The following GPR161 variants were observed in gnomAD, a reference collection of about 807,000 sequenced individuals.
GPR161 encodes G protein-coupled receptor 161.
In GPR161, 25 loss-of-function variants were observed where a neutral mutation model predicts 39.2. That is an observed-to-expected ratio of 0.64 (90% CI 0.47 to 0.89). The LOEUF (loss-of-function observed/expected upper bound fraction) is 0.89. Among genes scored for constraint, GPR161 ranks in the 40% least tolerant of loss-of-function variants. The pLI is 0.00. For missense variants in GPR161, 547 were observed against 677.8 expected, an observed-to-expected ratio of 0.81 and a Z score of 2.14; for synonymous variants, 286 against 276.6, an observed-to-expected ratio of 1.03 and a Z score of -0.34.
At chr1:168,101,081 C>T (rs11581009) in intron 2 of GPR161, among the ~76,000 whole-genome samples, 16,178 of 150,108 alleles carry the variant, frequency 0.11, 973 homozygotes, top group African/African-American at 0.15. Context: ...AAGATGGACT[C>T]TTTGGGTTCA....
At position 168,107,328 on chromosome 1, in the gene GPR161, T is replaced by A. The variant is rs145455855; in HGVS notation, c.-44-2434A>T. Among the ~76,000 whole-genome samples the A allele has an allele frequency of 4.6e-5, 7 of 152,308 alleles. No individual in the cohort carries two copies. The East Asian group carries it at 1.4e-3, about 29-fold the overall frequency. ...ACTCACGTTGAAACTTAACCTCCAA[T>A]AGGCAACATGGAGAAGTGGAGCCTT... is the stretch of plus-strand genomic sequence containing the variant. On this transcript the variant is annotated intron_variant, in intron 1 of 5. Coordinates refer to ENST00000682931, the MANE Select transcript of GPR161 (RefSeq NM_001375883.1).
intron 2 of GPR161, among the ~76,000 whole-genome samples, chr1:168,101,734 C>T (rs1000968937): frequency 1.3e-5 from 2 of 152,210 alleles, no homozygotes; most frequent in Admixed American, 1.3e-4. Flanking sequence ...TGGAATATGA[C>T]AAGCGTGTAA....
In GPR161 at chr1:168,084,815, C is replaced by T. The variant is rs1186341939; in HGVS notation, c.*716G>A. ...GAAACACCTAGTACCTGCCCTTCCT[C>T]TTGTCTTTTATAGTGGTTTCTCCCT... On this transcript the variant is annotated 3_prime_UTR_variant, in exon 6 of 6. Transcript: ENST00000682931. 2.2e-6 allele frequency: 1 copy of T among 456,138 alleles called. No homozygotes were observed. Among genetic ancestry groups the T allele is most frequent in the Non-Finnish European group, 4.4e-6 (1 of 226,962 alleles). The allele number at this position is 456,138 out of a possible 1,614,324, so 28.3% of individuals were successfully genotyped here.
chr1:168,121,725 A>G (rs1227687279), intron 1 of GPR161, among the ~76,000 whole-genome samples: 1 of 152,236 alleles, frequency 6.6e-6, no homozygotes, highest in Non-Finnish European at 1.5e-5. Flanking sequence ...TCACTGTTTC[A>G]GCTGCACATT....
chr1:168,096,170 A>C, intron 3 of GPR161, among the ~76,000 whole-genome samples: 1 of 149,322 alleles, frequency 6.7e-6, no homozygotes, highest in African/African-American at 2.5e-5. Context: ...AGAGAGAGAG[A>C]ACTAACTATA....
chr1:168,111,383 C>T (rs1361844156), intron 1 of GPR161, among the ~76,000 whole-genome samples: 1 of 152,206 alleles, frequency 6.6e-6, no homozygotes, highest in African/African-American at 2.4e-5. Context: ...GCAGTTCTGG[C>T]AGTCGCCACC....
At chr1:168,128,505 A>G (rs1251626703) in intron 1 of GPR161, among the ~76,000 whole-genome samples, 4 of 152,216 alleles carry the variant, frequency 2.6e-5, no homozygotes, top group South Asian at 4.1e-4. Context: ...GCTCTACACA[A>G]ACAATTTGGG....
chr1:168,135,842 G>A lies in GPR161; in HGVS notation c.-45+897C>T, dbSNP rs1699313317. Among the ~76,000 whole-genome samples, 4 of 152,352 alleles carry A rather than the reference G, an allele frequency of 2.6e-5. No individual in the cohort carries two copies. The South Asian group carries it at 8.3e-4, about 32-fold the overall frequency. On this transcript the variant is annotated intron_variant, in intron 1 of 5. Transcript: ENST00000682931. ...CCACACACCTCCTCACGGCTTCACC[G>A]GGAGGTGGATCAAATGACCTGCTCT...
intron 4 of GPR161, 98 bp downstream of exon 4, chr1:168,090,466 C>T (rs776376036): frequency 4.0e-5 from 25 of 623,162 alleles, no homozygotes; most frequent in Middle Eastern, 2.6e-4. Flanking sequence ...AATGCCCCTC[C>T]GCCAGCTCTT....
chr1:168,096,526 T>C lies in GPR161; in HGVS notation c.1081A>G (p.Ile361Val), dbSNP rs1419537221. 1.2e-6 allele frequency: 2 copies of C among 1,613,754 alleles called. No homozygotes were observed. Among genetic ancestry groups the C allele is most frequent in the Non-Finnish European group, 1.7e-6 (2 of 1,179,856 alleles). ...AAGTTACCTGTGATCCTGTTGGAAA[T>C]GCTGAAGAGCCTGGAAGTCCTCTGT... The part of the protein sequence containing the change: ...QRQRTSRLFS[I>V]SNRITDLGLS... Residue 361 changes from isoleucine to valine, a missense_variant, in exon 3 of 6, where the codon ATT becomes GTT. By Grantham distance (29) the Ile-to-Val change is conservative. Transcript: ENST00000682931.
chr1:168,084,475 C>CAAAG lies in GPR161; in HGVS notation c.*1052_*1055dup. Reference sequence around the variant, plus strand: ...AAGATGTCCAAATGACATGTGCACACAAAGACAGAGCTGGGCCAATAACCC... The same window carrying CAAAG: ...AAGATGTCCAAATGACATGTGCACACAAAGAAAGACAGAGCTGGGCCAATAACCC... On this transcript the variant is annotated 3_prime_UTR_variant, in exon 6 of 6. Coordinates refer to ENST00000682931, the MANE Select transcript of GPR161 (RefSeq NM_001375883.1). 3.2e-6 allele frequency: 1 copy of CAAAG among 311,832 alleles called. No homozygotes were observed. The highest frequency in any genetic ancestry group is 6.2e-6 in the Non-Finnish European group (1 of 162,222). The allele number at this position is 311,832 out of a possible 1,614,324, so 19.3% of individuals were successfully genotyped here. A position where few individuals can be genotyped will look rare whatever the true frequency, so the allele number is the denominator to read the frequency against.
At chr1:168,126,849 T>C (rs1698630973) in intron 1 of GPR161, among the ~76,000 whole-genome samples, 1 of 152,186 alleles carries the variant, frequency 6.6e-6, no homozygotes, top group African/African-American at 2.4e-5. Context: ...AACAGCACTC[T>C]GCATGTGGAG....
At chr1:168,090,962 G>A (rs1695003614) in intron 3 of GPR161, among the ~76,000 whole-genome samples, 2 of 152,236 alleles carry the variant, frequency 1.3e-5, no homozygotes, top group Admixed American at 1.3e-4. Context: ...AGGCAGGCAG[G>A]AGGGAAAATG....
intron 1 of GPR161, among the ~76,000 whole-genome samples, chr1:168,122,787 CT>C (rs1295683801): frequency 6.6e-6 from 1 of 152,208 alleles, no homozygotes; most frequent in Non-Finnish European, 1.5e-5. Context: ...TTCATACCCC[CT>C]CCAACACTTC....
At chr1:168,104,947 C>T (rs554952835) in intron 1 of GPR161, 53 bp from the exon 2 acceptor site, 14 of 1,397,930 alleles carry the variant, frequency 1.0e-5, no homozygotes, top group Admixed American at 7.5e-5. Context: ...CAAATCACAT[C>T]GTCTCCACCT....
At chr1:168,110,753 G>A (rs1160155588) in intron 1 of GPR161, among the ~76,000 whole-genome samples, 1 of 151,752 alleles carries the variant, frequency 6.6e-6, no homozygotes, top group Non-Finnish European at 1.5e-5. Flanking sequence ...GTGAAACCCC[G>A]TCTCTACTAA....
At chr1:168,095,264 A>T (rs945835334) in intron 3 of GPR161, among the ~76,000 whole-genome samples, 5 of 152,248 alleles carry the variant, frequency 3.3e-5, no homozygotes, top group Non-Finnish European at 5.9e-5. Flanking sequence ...ACAATATGGG[A>T]TCCTGAGCTG....
intron 4 of GPR161, among the ~76,000 whole-genome samples, chr1:168,090,153 G>A (rs1694913245): frequency 6.6e-6 from 1 of 152,216 alleles, no homozygotes; most frequent in African/African-American, 2.4e-5. Context: ...GGTTTAGGAG[G>A]AGATCATGCA....
chr1:168,122,955 G>A (rs1158104294), intron 1 of GPR161, among the ~76,000 whole-genome samples: 1 of 152,184 alleles, frequency 6.6e-6, no homozygotes, highest in Admixed American at 6.5e-5. Context: ...AAAGTGCCTG[G>A]CACATTGTAG....
Sources: gnomAD v4.1 joint callset for allele counts (sites outside exome capture counted in the v4.1 genomes callset) on GRCh38, gnomAD v4.1.1 for gene constraint, MANE v1.5 for transcripts, NCBI Gene and HGNC (gene_info 2026-07-23, HGNC 2026-07-21) for gene names.